Variants in MUSK observed in about 807,000 individuals in gnomAD.
The protein encoded by MUSK is muscle, skeletal receptor tyrosine-protein kinase.
Under a neutral mutation model 88.7 loss-of-function variants are expected in MUSK, and 55 were observed. That is an observed-to-expected ratio of 0.62 (90% CI 0.50 to 0.78). MUSK has a LOEUF of 0.78. MUSK is among the 30% of genes least tolerant of loss of function. MUSK has a pLI of 0.00. For synonymous variants in MUSK, 387 were observed against 391.9 expected (o/e 0.99, Z 0.15); for missense variants, 1,015 against 1,074.3 (o/e 0.94, Z 0.77).
chr9:110,729,975 G>A (rs1436892011), intron 5 of MUSK, among the ~76,000 whole-genome samples: 1 of 152,006 alleles, frequency 6.6e-6, no homozygotes, highest in Non-Finnish European at 1.5e-5. Flanking sequence ...TCCTTAAGAT[G>A]ACAATCAATA....
At chr9:110,748,136 T>G in intron 7 of MUSK, 1 of 402,220 alleles carries the variant, frequency 2.5e-6, no homozygotes. Flanking sequence ...CTCCCTTTTT[T>G]CCTTCCTTCT....
intron 2 of MUSK, among the ~76,000 whole-genome samples, chr9:110,684,014 G>C (rs948709878): frequency 2.9e-4 from 44 of 151,846 alleles, no homozygotes; most frequent in African/African-American, 1.1e-3. Context: ...TTTTTGTTTT[G>C]GTTGCCTATG....
At chr9:110,734,482 C>T (rs2131840790) in intron 6 of MUSK, 107 bp downstream of exon 6, 2 of 1,393,256 alleles carry the variant, frequency 1.4e-6, no homozygotes, top group Admixed American at 1.9e-5. Flanking sequence ...TTGGTCTCAC[C>T]TACACCACTT....
chr9:110,782,923 G>C (rs975432835), intron 11 of MUSK, among the ~76,000 whole-genome samples: 6 of 152,168 alleles, frequency 3.9e-5, no homozygotes, highest in Admixed American at 3.9e-4. Flanking sequence ...CTGAGTCACA[G>C]TGGTGACCAG....
chr9:110,682,601 T>G, intron 1 of MUSK, 73 bp from the exon 2 acceptor site: 1 of 1,510,864 alleles, frequency 6.6e-7, no homozygotes, highest in Non-Finnish European at 9.0e-7. Flanking sequence ...ATGTAATGGC[T>G]TCTGACTGCT....
chr9:110,741,219 T>C (rs963866939), intron 6 of MUSK, among the ~76,000 whole-genome samples: 1 of 152,208 alleles, frequency 6.6e-6, no homozygotes, highest in African/African-American at 2.4e-5. Flanking sequence ...TATACATATA[T>C]ATCTCAAAAC....
chr9:110,707,345 T>C (rs1264786229), intron 5 of MUSK, among the ~76,000 whole-genome samples: 1 of 152,218 alleles, frequency 6.6e-6, no homozygotes, highest in Non-Finnish European at 1.5e-5. Context: ...TTTATAAATA[T>C]CTAATTTTCT....
At chr9:110,761,312 G>A (rs1293790032) in intron 7 of MUSK, among the ~76,000 whole-genome samples, 1 of 152,046 alleles carries the variant, frequency 6.6e-6, no homozygotes, top group Non-Finnish European at 1.5e-5. Context: ...AGGGCTAGGT[G>A]TTCCAAAAAC....
At chr9:110,689,103 T>C (rs375770511) in intron 3 of MUSK, among the ~76,000 whole-genome samples, 1 of 136,820 alleles carries the variant, frequency 7.3e-6, no homozygotes, top group East Asian at 2.1e-4. Flanking sequence ...TTTAAATATA[T>C]AGTTTTATAA....
chr9:110,781,999 C>T (rs530136779), intron 11 of MUSK, among the ~76,000 whole-genome samples: 12 of 152,288 alleles, frequency 7.9e-5, no homozygotes, highest in Non-Finnish European at 1.3e-4. Flanking sequence ...CAGCCCTGAA[C>T]GAGACTCACA....
chr9:110,689,951 T>C (rs2076293365), intron 3 of MUSK, among the ~76,000 whole-genome samples: 1 of 92,568 alleles, frequency 1.1e-5, no homozygotes, highest in African/African-American at 4.5e-5. Flanking sequence ...TATATTTAAA[T>C]ATAAATATAT....
chr9:110,679,133 T>C (rs75319011), intron 1 of MUSK, among the ~76,000 whole-genome samples: 426 of 152,246 alleles, frequency 2.8e-3, no homozygotes, highest in African/African-American at 9.7e-3. Flanking sequence ...TTATATCTTC[T>C]ATATCTTTAC....
At chr9:110,758,246 G>A (rs1190682275) in intron 7 of MUSK, among the ~76,000 whole-genome samples, 3 of 152,176 alleles carry the variant, frequency 2.0e-5, no homozygotes, top group Non-Finnish European at 2.9e-5. Flanking sequence ...TTACAGGCAT[G>A]AGCCACCATG....
At chr9:110,701,494 T>C (rs188425025) in intron 5 of MUSK, among the ~76,000 whole-genome samples, 2 of 152,082 alleles carry the variant, frequency 1.3e-5, no homozygotes, top group African/African-American at 2.4e-5. Flanking sequence ...CTTGTTTGTT[T>C]GTTTTGTTTT....
Position 110,787,794 on chromosome 9 carries a change from C to T in MUSK, c.1883C>T (p.Ala628Val), listed in dbSNP as rs1473606990. 1 of 1,613,452 alleles carries T rather than the reference C, an allele frequency of 6.2e-7. No homozygotes were observed. Among genetic ancestry groups the T allele is most frequent in the Admixed American group, 1.7e-5 (1 of 59,942 alleles). Residue 628 changes from alanine (A) to valine (V), a missense_variant, in exon 14 of 15, where the codon GCC (alanine) becomes GTC (valine). Coordinates refer to ENST00000374448, the MANE Select transcript of MUSK (RefSeq NM_005592.4). ...CAAGCGGACTTTCAGAGGGAGGCAG[C>T]CCTCATGGCAGAATTTGACAACCCT... ...DMQADFQREA[A>V]LMAEFDNPNI...
chr9:110,806,347 C>T lies in MUSK; in HGVS notation c.*5359C>T, dbSNP rs2078162204. Reference sequence around the variant, plus strand: ...ATTGTGCTACATAAAATTAGAGCTTCCAAATTTCCCTCCATCACTTCTCCC... The same window carrying T: ...ATTGTGCTACATAAAATTAGAGCTTTCAAATTTCCCTCCATCACTTCTCCC... On this transcript the variant is annotated 3_prime_UTR_variant, in exon 15 of 15. Coordinates refer to ENST00000374448, the MANE Select transcript of MUSK (RefSeq NM_005592.4). Among the ~76,000 whole-genome samples, 1 of 152,106 alleles carries T rather than the reference C, an allele frequency of 6.6e-6. No homozygotes were observed. The highest frequency in any genetic ancestry group is 2.1e-4 in the South Asian group (1 of 4,826).
At chr9:110,758,116 A>G (rs772985477) in intron 7 of MUSK, among the ~76,000 whole-genome samples, 47 of 152,258 alleles carry the variant, frequency 3.1e-4, no homozygotes, top group Non-Finnish European at 5.4e-4. Context: ...GGTGTGTGCC[A>G]TAACGCCCAG....
chr9:110,725,450 T>C (rs899618909), intron 5 of MUSK, among the ~76,000 whole-genome samples: 2 of 152,088 alleles, frequency 1.3e-5, no homozygotes, highest in African/African-American at 4.8e-5. Flanking sequence ...ACTATGGTAC[T>C]GAGTTTCTCA....
rs1379682180 is a variant in MUSK at position 110,801,763 on chromosome 9, T to C, written c.*775T>C. The C allele has an allele frequency of 6.6e-6, 1 of 152,210 alleles. No homozygotes were observed. The highest frequency in any genetic ancestry group is 1.9e-4 in the East Asian group (1 of 5,204). The allele number at this position is 152,210 out of a possible 1,614,324, so 9.4% of individuals were successfully genotyped here. A position where few individuals can be genotyped will look rare whatever the true frequency, so the allele number is the denominator to read the frequency against. On this transcript the variant is annotated 3_prime_UTR_variant, in exon 15 of 15. Coordinates refer to ENST00000374448, the MANE Select transcript of MUSK (RefSeq NM_005592.4). ...CTGATTTACCTTTTCCTTTAAAAAT[T>C]GTATTGGTATCTTTTCCATTGCTTT...
Sources: allele counts gnomAD v4.1 joint callset (sites outside exome capture counted in the v4.1 genomes callset), GRCh38; gene constraint gnomAD v4.1.1; transcripts MANE v1.5; gene names NCBI Gene and HGNC (gene_info 2026-07-23, HGNC 2026-07-21).